Variants in KLHL20 observed in about 807,000 individuals in gnomAD.
The protein encoded by KLHL20 is kelch-like protein 20.
In KLHL20, 29 loss-of-function variants were observed where a neutral mutation model predicts 69.5. That is an observed-to-expected ratio of 0.42 (90% CI 0.31 to 0.57). KLHL20 has a LOEUF of 0.57. Ranked by LOEUF, KLHL20 falls within the 20% of genes least tolerant of loss-of-function variation. KLHL20 has a pLI of 0.18. For synonymous variants in KLHL20, 253 were observed against 265.2 expected, an observed-to-expected ratio of 0.95 and a Z score of 0.45; for missense variants, 419 against 776.0, an observed-to-expected ratio of 0.54 and a Z score of 5.47.
intron 5 of KLHL20, 140 bp from the exon 6 acceptor site, chr1:173,755,783 T>C (rs1448080094): frequency 1.7e-6 from 1 of 587,656 alleles, no homozygotes; most frequent in African/African-American, 1.9e-5. Context: ...TTGTGCCAAT[T>C]TTAATATTGG....
intron 2 of KLHL20, among the ~76,000 whole-genome samples, chr1:173,723,886 T>A (rs1260673840): frequency 6.6e-6 from 1 of 152,206 alleles, no homozygotes; most frequent in Non-Finnish European, 1.5e-5. Context: ...ATTCCTACTT[T>A]ACAACAACAA....
At chr1:173,741,713 AGAG>A in intron 3 of KLHL20, 6 of 1,246,626 alleles carry the variant, frequency 4.8e-6, no homozygotes, top group East Asian at 2.5e-5. Context: ...CCTCTCCAGA[AGAG>A]GAGAAGAGGA....
At chr1:173,779,350 CTT>C (rs375083476) in intron 10 of KLHL20, among the ~76,000 whole-genome samples, 7,914 of 131,244 alleles carry the variant, frequency 0.06, 594 homozygotes, top group African/African-American at 0.21. Context: ...AGGATTTCTC[CTT>C]TTTTTTTTTT....
At chr1:173,776,897 A>C (rs1057329456) in intron 10 of KLHL20, among the ~76,000 whole-genome samples, 1 of 152,076 alleles carries the variant, frequency 6.6e-6, no homozygotes, top group Admixed American at 6.5e-5. Context: ...AGCTTTGGCT[A>C]TTCTGGGTCT....
In KLHL20 at chr1:173,734,145, A is replaced by G. The variant is rs1191686683; in HGVS notation, c.456A>G (p.Glu152=). Residue 152 remains glutamate, a synonymous_variant, in exon 3 of 12, where the codon GAA becomes GAG. Transcript: ENST00000209884. ...LPAACLLQLA[E]IQEACCEFLK... ...CTGCTTGCCTCCTCCAGCTGGCAGA[A>G]ATACAGGAAGCCTGCTGTGAATTCT... 6.2e-7 allele frequency: 1 copy of G among 1,614,234 alleles called. No individual in the cohort carries two copies. The highest frequency in any genetic ancestry group is 2.2e-5 in the East Asian group (1 of 44,890).
At chr1:173,742,403 C>T (rs1385005919) in intron 3 of KLHL20, among the ~76,000 whole-genome samples, 2 of 151,950 alleles carry the variant, frequency 1.3e-5, no homozygotes, top group African/African-American at 4.8e-5. Context: ...AACAGTTTGG[C>T]ACCATAAACA....
chr1:173,785,073 G>C (rs547592116), intron 11 of KLHL20, 90 bp from the exon 12 acceptor site: 6 of 941,500 alleles, frequency 6.4e-6, no homozygotes, highest in Middle Eastern at 2.3e-4. Context: ...ACATAGAAAC[G>C]TGTTAATAAC....
chr1:173,745,155 A>ATACATTTCT lies in KLHL20; in HGVS notation c.598-6607_598-6599dup, dbSNP rs1164979301. 5.0e-5 allele frequency among the ~76,000 whole-genome samples: 7 copies of ATACATTTCT among 140,712 alleles called. No individual in the cohort carries two copies. The East Asian group carries it at 1.4e-3, about 29-fold the overall frequency. 92.3% of individuals were successfully genotyped at this position (140,712 alleles called of 152,430 possible). A position where few individuals can be genotyped will look rare whatever the true frequency, so the allele number is the denominator to read the frequency against. On this transcript the variant is annotated intron_variant, in intron 3 of 11. Coordinates refer to ENST00000209884, the MANE Select transcript of KLHL20 (RefSeq NM_014458.4). The stretch of plus-strand genomic sequence containing the variant: ...TTATGGTTTTATTCATCTAACTTTT[A>ATACATTTCT]TACATTTCTTTTTTCTTTTTTTTTT...
At chr1:173,755,212 C>T (rs1673494670) in intron 5 of KLHL20, among the ~76,000 whole-genome samples, 2 of 152,214 alleles carry the variant, frequency 1.3e-5, no homozygotes, top group Middle Eastern at 6.8e-3. Context: ...GCGCGTACCA[C>T]CACACCCAGC....
intron 4 of KLHL20, among the ~76,000 whole-genome samples, chr1:173,752,350 C>T (rs981515314): frequency 6.6e-6 from 1 of 152,064 alleles, no homozygotes; most frequent in East Asian, 1.9e-4. Flanking sequence ...TCCAAATAAT[C>T]AAGGAAATAA....
At chr1:173,728,123 A>C (rs1672069234) in intron 2 of KLHL20, among the ~76,000 whole-genome samples, 1 of 152,182 alleles carries the variant, frequency 6.6e-6, no homozygotes, top group African/African-American at 2.4e-5. Flanking sequence ...CAGACTTTAA[A>C]CCAACAAAGA....
At chr1:173,723,285 T>C (rs1671801053) in intron 2 of KLHL20, among the ~76,000 whole-genome samples, 1 of 152,240 alleles carries the variant, frequency 6.6e-6, no homozygotes, top group Non-Finnish European at 1.5e-5. Context: ...GCTCTGTGGT[T>C]AAAAGCATTC....
chr1:173,717,323 G>C (rs1423228911), intron 2 of KLHL20, among the ~76,000 whole-genome samples: 1 of 152,176 alleles, frequency 6.6e-6, no homozygotes, highest in Non-Finnish European at 1.5e-5. Flanking sequence ...ACTCATACCT[G>C]CTCCTTTTTT....
At chr1:173,761,641 G>C (rs2102513517) in intron 7 of KLHL20, among the ~76,000 whole-genome samples, 1 of 152,228 alleles carries the variant, frequency 6.6e-6, no homozygotes, top group South Asian at 2.1e-4. Flanking sequence ...ATGAGCATTG[G>C]GTCAAAAACG....
At chr1:173,771,421 G>T (rs1296090154) in intron 8 of KLHL20, among the ~76,000 whole-genome samples, 1 of 151,952 alleles carries the variant, frequency 6.6e-6, no homozygotes, top group East Asian at 1.9e-4. Flanking sequence ...TAAATACATA[G>T]ATACATACAG....
At chr1:173,774,273 A>G (rs1464272184) in intron 8 of KLHL20, 32 bp from the exon 9 acceptor site, 3 of 1,613,666 alleles carry the variant, frequency 1.9e-6, no homozygotes, top group Non-Finnish European at 2.5e-6. Context: ...CTTAATAAGA[A>G]CAAGCATACA....
intron 2 of KLHL20, among the ~76,000 whole-genome samples, chr1:173,719,809 G>A (rs1403566302): frequency 6.6e-6 from 1 of 152,092 alleles, no homozygotes; most frequent in African/African-American, 2.4e-5. Flanking sequence ...CAAATATTTT[G>A]TAATTAATTC....
At chr1:173,765,550 A>G (rs1647646990) in intron 7 of KLHL20, among the ~76,000 whole-genome samples, 1 of 152,196 alleles carries the variant, frequency 6.6e-6, no homozygotes, top group Non-Finnish European at 1.5e-5. Context: ...AATTCTACCT[A>G]TCACCCATTT....
At chr1:173,746,309 T>C (rs1052068943) in intron 3 of KLHL20, among the ~76,000 whole-genome samples, 1 of 152,222 alleles carries the variant, frequency 6.6e-6, no homozygotes, top group African/African-American at 2.4e-5. Flanking sequence ...TTGGAAGTTT[T>C]CTTCATGTTC....
Sources: allele counts gnomAD v4.1 joint callset (sites outside exome capture counted in the v4.1 genomes callset), GRCh38; gene constraint gnomAD v4.1.1; transcripts MANE v1.5; gene names NCBI Gene and HGNC (gene_info 2026-07-23, HGNC 2026-07-21).